Variants in MCF2L2 observed in about 807,000 individuals in gnomAD.
MCF2L2 encodes probable guanine nucleotide exchange factor MCF2L2.
In MCF2L2, 102 loss-of-function variants were observed where a neutral mutation model predicts 150.2. The ratio of observed to expected loss-of-function variants is 0.68; its 90% CI spans 0.58 to 0.80. MCF2L2 has a LOEUF of 0.80. Ranked by LOEUF, MCF2L2 falls within the 30% of genes least tolerant of loss-of-function variation. The pLI is 0.00. For missense variants in MCF2L2, 1,256 were observed against 1,372.8 expected (o/e 0.91, Z 1.34); for synonymous variants, 465 against 491.3 (o/e 0.95, Z 0.71).
chr3:183,265,984 G>A (rs1350207100), intron 15 of MCF2L2: 1 of 152,186 alleles, frequency 6.6e-6, no homozygotes, highest in African/African-American at 2.4e-5. Context: ...TTGACTTGTT[G>A]ATGTCAATTT....
intron 1 of MCF2L2, among the ~76,000 whole-genome samples, chr3:183,393,199 T>C (rs2108602573): frequency 6.6e-6 from 1 of 151,208 alleles, no homozygotes; most frequent in East Asian, 1.9e-4. Context: ...TCTCTTTTTT[T>C]TTTTTTTTTT....
At chr3:183,280,929 A>G (rs1256035572) in intron 14 of MCF2L2, among the ~76,000 whole-genome samples, 1 of 151,988 alleles carries the variant, frequency 6.6e-6, no homozygotes, top group East Asian at 1.9e-4. Context: ...ATTATTCACT[A>G]TTATAATCAA....
chr3:183,323,984 C>T (rs1343809196), intron 5 of MCF2L2, among the ~76,000 whole-genome samples: 2 of 152,070 alleles, frequency 1.3e-5, no homozygotes, highest in Non-Finnish European at 2.9e-5. Flanking sequence ...GTCATAAGTT[C>T]CCAAGCTAAG....
intron 27 of MCF2L2, among the ~76,000 whole-genome samples, chr3:183,188,404 C>T (rs1721769827): frequency 1.3e-5 from 2 of 152,198 alleles, no homozygotes; most frequent in Non-Finnish European, 2.9e-5. Flanking sequence ...AAGGTCACAA[C>T]TCATTTGACT....
At chr3:183,358,160 G>A (rs983331032) in intron 3 of MCF2L2, among the ~76,000 whole-genome samples, 2 of 151,924 alleles carry the variant, frequency 1.3e-5, no homozygotes, top group African/African-American at 2.4e-5. Context: ...GCATGATGGC[G>A]GGCACCTGTA....
intron 20 of MCF2L2, among the ~76,000 whole-genome samples, chr3:183,222,702 A>G (rs535702081): frequency 2.0e-5 from 3 of 152,326 alleles, no homozygotes; most frequent in Admixed American, 6.5e-5. Context: ...TTAATTCAAC[A>G]GACAACTTAT....
At chr3:183,190,205 T>A (rs535298) in intron 27 of MCF2L2, among the ~76,000 whole-genome samples, 1 of 152,098 alleles carries the variant, frequency 6.6e-6, no homozygotes, top group Non-Finnish European at 1.5e-5. Flanking sequence ...CACCAGCTGG[T>A]GTGTCCCCAT....
In MCF2L2 at chr3:183,277,964, C is replaced by T. The variant is rs550122316; in HGVS notation, c.1777-1007G>A. On this transcript the variant is annotated intron_variant, in intron 14 of 29. Coordinates refer to ENST00000328913, the MANE Select transcript of MCF2L2 (RefSeq NM_015078.4). ...CTTTAGGAGGCTGAGGTCAGTGGAT[C>T]ATTTGAGGTCAGGAGTTCAAGACCA... is the stretch of plus-strand genomic sequence containing the variant. Among the ~76,000 whole-genome samples, 6 of 148,182 alleles carry T rather than the reference C, an allele frequency of 4.0e-5. No homozygotes were observed. In the East Asian group the frequency reaches 1.0e-3, roughly 25 times the overall value.
chr3:183,334,061 A>C (rs1730374127), intron 5 of MCF2L2, among the ~76,000 whole-genome samples: 1 of 152,114 alleles, frequency 6.6e-6, no homozygotes, highest in Admixed American at 6.6e-5. Flanking sequence ...CTGGAGCACC[A>C]CGATAATTGA....
intron 2 of MCF2L2, among the ~76,000 whole-genome samples, chr3:183,380,242 C>A (rs972343679): frequency 6.6e-6 from 1 of 152,196 alleles, no homozygotes; most frequent in East Asian, 1.9e-4. Flanking sequence ...TCTAGCCCCA[C>A]AGTCCCCAAA....
At chr3:183,199,654 G>T (rs1242224980) in intron 25 of MCF2L2, among the ~76,000 whole-genome samples, 2 of 150,460 alleles carry the variant, frequency 1.3e-5, no homozygotes, top group South Asian at 4.2e-4. Context: ...TTAAGTTCTA[G>T]GGTACGTGTG....
intron 13 of MCF2L2, among the ~76,000 whole-genome samples, chr3:183,289,727 GTGCC>G (rs1728013619): frequency 6.6e-6 from 1 of 152,182 alleles, no homozygotes; most frequent in African/African-American, 2.4e-5. Flanking sequence ...ACAGTGGCAA[GTGCC>G]TGTAATCCTA....
chr3:183,332,407 A>G (rs556969530), intron 5 of MCF2L2, among the ~76,000 whole-genome samples: 5 of 152,258 alleles, frequency 3.3e-5, no homozygotes, highest in African/African-American at 9.6e-5. Flanking sequence ...ATCAACCTAC[A>G]CTACCACAAA....
rs1721533788 is a variant in MCF2L2 at position 183,181,835 on chromosome 3, T to TAGGCAGCCAC, written c.3017-1686_3017-1677dup. The stretch of plus-strand genomic sequence containing the variant: ...CTGGCTCAGGAGCCTTCGTCAGCCA[T>TAGGCAGCCAC]AGGCAGCCACAGCCTGGGGTGGGCA... On this transcript the variant is annotated intron_variant, in intron 27 of 29. Transcript: ENST00000328913. This position sits in a 1 kb window ranked among gnomAD's most constrained non-coding sequence, Gnocchi z 4.3. Among the ~76,000 whole-genome samples the TAGGCAGCCAC allele has an allele frequency of 2.0e-5, 3 of 152,048 alleles. No homozygotes were observed. The South Asian group carries it at 6.2e-4, about 32-fold the overall frequency.
intron 22 of MCF2L2, 106 bp downstream of exon 22, chr3:183,215,863 T>C: frequency 7.3e-7 from 1 of 1,363,980 alleles, no homozygotes; most frequent in Non-Finnish European, 9.8e-7. Flanking sequence ...AGAGTCCAAT[T>C]CCTTTACCAT....
In MCF2L2 at chr3:183,428,030, G is replaced by A. The variant is rs1716266310; in HGVS notation, c.-53C>T. The A allele has an allele frequency of 2.2e-6, 3 of 1,374,494 alleles. No individual in the cohort carries two copies. Among genetic ancestry groups the A allele is most frequent in the South Asian group, 1.2e-5 (1 of 86,172 alleles). 85.1% of individuals were successfully genotyped at this position (1,374,494 alleles called of 1,614,324 possible). On this transcript the variant is annotated 5_prime_UTR_variant, in exon 1 of 30. Coordinates refer to ENST00000328913, the MANE Select transcript of MCF2L2 (RefSeq NM_015078.4). This position sits in a 1 kb window ranked among gnomAD's most constrained non-coding sequence, Gnocchi z 5.1. ...AAAGCCAAACAAAACTGTTTCTACC[G>A]CTGCGGTGGATGATTTTTTAAAGGC... is the stretch of plus-strand genomic sequence containing the variant.
At chr3:183,339,259 A>G (rs1031811746) in intron 4 of MCF2L2, among the ~76,000 whole-genome samples, 1 of 152,208 alleles carries the variant, frequency 6.6e-6, no homozygotes, top group Admixed American at 6.5e-5. Context: ...CATACTTAAT[A>G]TTTCCATCTG....
chr3:183,194,614 G>A (rs1360222752), intron 26 of MCF2L2, among the ~76,000 whole-genome samples: 1 of 152,138 alleles, frequency 6.6e-6, no homozygotes. Context: ...AGGGCAATTA[G>A]GGGAGGTTTC....
intron 2 of MCF2L2, among the ~76,000 whole-genome samples, chr3:183,389,343 G>A (rs145461494): frequency 8.0e-4 from 122 of 152,312 alleles, no homozygotes; most frequent in African/African-American, 2.8e-3. Flanking sequence ...ACCTTTGTAA[G>A]GCTGAATCTT....
Sources: gnomAD v4.1 joint callset for allele counts (sites outside exome capture counted in the v4.1 genomes callset) on GRCh38, gnomAD v4.1.1 for gene constraint, Gnocchi (gnomAD v3.1) non-coding constraint, MANE v1.5 for transcripts, NCBI Gene and HGNC (gene_info 2026-07-23, HGNC 2026-07-21) for gene names.